Variants in ERI1 observed in about 807,000 individuals in gnomAD.
ERI1 encodes 3'-5' exoribonuclease 1.
A neutral mutation model predicts 39.7 loss-of-function variants in ERI1; 39 were observed. That is an observed-to-expected ratio of 0.98 (90% confidence interval 0.76 to 1.28). ERI1 has a LOEUF of 1.28. Ranked by LOEUF, ERI1 falls within the 50% of genes most tolerant of loss-of-function variation. The probability of loss-of-function intolerance (pLI) is 0.00; values close to 1 mark genes in which losing one functional copy is unlikely to be tolerated. For synonymous variants in ERI1, 204 were observed against 149.6 expected, an observed-to-expected ratio of 1.36 and a Z score of -2.65; for missense variants, 581 against 416.9, an observed-to-expected ratio of 1.39 and a Z score of -3.43.
At chr8:9,063,459 A>G (rs553589997) in intron 3 of ERI1, among the ~76,000 whole-genome samples, 1 of 152,262 alleles carries the variant, frequency 6.6e-6, no homozygotes, top group Admixed American at 6.5e-5. Context: ...GGGAGGTGAT[A>G]AAAGGATTAT....
intron 3 of ERI1, among the ~76,000 whole-genome samples, chr8:9,064,394 C>G (rs746859951): frequency 3.4e-4 from 52 of 152,154 alleles, no homozygotes; most frequent in Non-Finnish European, 7.2e-4. Context: ...ACCTCTGAAA[C>G]ATGGGTGAAT....
intron 3 of ERI1, among the ~76,000 whole-genome samples, chr8:9,040,170 A>G (rs977228661): frequency 6.6e-6 from 1 of 152,216 alleles, no homozygotes; most frequent in Admixed American, 6.5e-5. Flanking sequence ...GGCCTCCACC[A>G]AGAGTGATTT....
chr8:9,027,171 GTGTGTGTT>G lies in ERI1; in HGVS notation c.808-2619_808-2612del, dbSNP rs1311034879. ...TGTATGTGTGTGTGTGTGTGTGTGT[GTGTGTGTT>G]TATGGCCATTCTAATGGGTGTGAAG... is the stretch of plus-strand genomic sequence containing the variant. On this transcript the variant is annotated intron_variant, in intron 6 of 6. Coordinates refer to ENST00000250263, the MANE Select transcript of ERI1 (RefSeq NM_153332.4). Among the ~76,000 whole-genome samples, 7 of 151,826 alleles carry G rather than the reference GTGTGTGTT, an allele frequency of 4.6e-5. 1 individual carries two copies. In the East Asian group the frequency reaches 1.4e-3, roughly 29 times the overall value.
downstream of ERI1, among the ~76,000 whole-genome samples, chr8:9,034,190 C>T (rs1330180888): frequency 6.6e-6 from 1 of 152,202 alleles, no homozygotes; most frequent in East Asian, 1.9e-4. Context: ...GGGCGGATGC[C>T]CGAGGCTTTA....
At chr8:9,066,621 A>C (rs1488368243) in intron 3 of ERI1, among the ~76,000 whole-genome samples, 3 of 152,182 alleles carry the variant, frequency 2.0e-5, no homozygotes, top group Non-Finnish European at 4.4e-5. Context: ...TTTGTTATTC[A>C]AGGAATGTTC....
intron 3 of ERI1, among the ~76,000 whole-genome samples, chr8:9,093,825 C>T (rs1799788826): frequency 6.6e-6 from 1 of 152,174 alleles, no homozygotes; most frequent in African/African-American, 2.4e-5. Context: ...GATCCACTCG[C>T]CTCGGCCTCC....
At chr8:9,017,159 C>T (rs1385257613) in intron 4 of ERI1, among the ~76,000 whole-genome samples, 1 of 152,176 alleles carries the variant, frequency 6.6e-6, no homozygotes, top group Non-Finnish European at 1.5e-5. Context: ...CCTGCCTCAG[C>T]CTCCCAAGTA....
At chr8:9,074,047 A>T (rs1033786112) in intron 3 of ERI1, among the ~76,000 whole-genome samples, 1 of 152,092 alleles carries the variant, frequency 6.6e-6, no homozygotes, top group African/African-American at 2.4e-5. Flanking sequence ...TGGCCTCCCA[A>T]AATGCTGGGA....
chr8:9,040,906 A>T (rs913257485), intron 3 of ERI1, among the ~76,000 whole-genome samples: 1 of 152,142 alleles, frequency 6.6e-6, no homozygotes, highest in Non-Finnish European at 1.5e-5. Context: ...GTTCCTTTAG[A>T]TAAAGTCAGT....
At chr8:9,088,737 C>A (rs1337261139) in intron 3 of ERI1, among the ~76,000 whole-genome samples, 2 of 152,212 alleles carry the variant, frequency 1.3e-5, no homozygotes, top group East Asian at 3.8e-4. Context: ...CCAGCTGAGT[C>A]AGGAGCTGTT....
At chr8:9,049,398 A>G (rs1251875280) in intron 3 of ERI1, among the ~76,000 whole-genome samples, 1 of 145,258 alleles carries the variant, frequency 6.9e-6, no homozygotes, top group East Asian at 1.9e-4. Flanking sequence ...TTAATGGTGA[A>G]AAAAAAATGT....
chr8:9,011,418 T>G lies in ERI1; in HGVS notation c.288-124T>G, dbSNP rs567792446. Reference sequence around the variant, plus strand: ...TGAGTCTTGCTTTTCTTACATTTATTTTAGCTAGCATTTGCTAAATTTCGC... The same window carrying G: ...TGAGTCTTGCTTTTCTTACATTTATGTTAGCTAGCATTTGCTAAATTTCGC... On this transcript the variant is annotated intron_variant, in intron 2 of 6. Transcript: ENST00000250263. 2.7e-5 allele frequency: 14 copies of G among 522,486 alleles called. No individual in the cohort carries two copies. The East Asian group carries it at 4.1e-4, about 15-fold the overall frequency. 32.4% of individuals were successfully genotyped at this position (522,486 alleles called of 1,614,324 possible). A position where few individuals can be genotyped will look rare whatever the true frequency, so the allele number is the denominator to read the frequency against.
chr8:9,017,142 C>T (rs1456685546), intron 4 of ERI1, among the ~76,000 whole-genome samples: 3 of 152,206 alleles, frequency 2.0e-5, no homozygotes, highest in East Asian at 1.9e-4. Flanking sequence ...CAGGTTCAAG[C>T]GATTCTCCTG....
At chr8:9,088,656 A>G (rs1238449919) in intron 3 of ERI1, 1 of 152,270 alleles carries the variant, frequency 6.6e-6, no homozygotes, top group East Asian at 1.9e-4. Context: ...CCATTCAGCC[A>G]GTGCAAGTTG....
chr8:9,019,572 G>C (rs999778589), intron 5 of ERI1, among the ~76,000 whole-genome samples: 2 of 152,144 alleles, frequency 1.3e-5, no homozygotes, highest in East Asian at 3.9e-4. Flanking sequence ...CCAATCATTA[G>C]AGTCTCCATT....
At chr8:9,048,598 G>C (rs1798254273) in intron 3 of ERI1, 1 of 153,078 alleles carries the variant, frequency 6.5e-6, no homozygotes, top group Admixed American at 6.5e-5. Context: ...AGGAGGCAGG[G>C]AAGGACATGG....
chr8:9,011,884 C>A, intron 3 of ERI1, 132 bp downstream of exon 3: 1 of 592,724 alleles, frequency 1.7e-6, no homozygotes, highest in South Asian at 2.7e-5. Flanking sequence ...TTGCCATGAA[C>A]TTTATATCAG....
intron 3 of ERI1, among the ~76,000 whole-genome samples, chr8:9,088,278 A>G (rs1318827637): frequency 6.6e-6 from 1 of 152,134 alleles, no homozygotes; most frequent in African/African-American, 2.4e-5. Flanking sequence ...AAAAAAAAAA[A>G]AAAATTAAAG....
chr8:9,043,368 A>G (rs1253432876), intron 3 of ERI1, among the ~76,000 whole-genome samples: 1 of 152,170 alleles, frequency 6.6e-6, no homozygotes, highest in African/African-American at 2.4e-5. Context: ...GAATAATCAG[A>G]GCTGTGCCTG....
Sources: gnomAD v4.1 joint callset for allele counts (sites outside exome capture counted in the v4.1 genomes callset) on GRCh38, gnomAD v4.1.1 for gene constraint, MANE v1.5 for transcripts, NCBI Gene and HGNC (gene_info 2026-07-23, HGNC 2026-07-21) for gene names.